MRPL1: variants seen among roughly 807,000 people sequenced by gnomAD.
MRPL1 encodes large ribosomal subunit protein uL1m.
MRPL1 carries 28 observed loss-of-function variants against 38.0 expected under a neutral mutation model. The observed-to-expected ratio is 0.74, with a 90% confidence interval of 0.55 to 1.01. The LOEUF (loss-of-function observed/expected upper bound fraction) is 1.01, where lower values mean the gene tolerates loss of function less well. Among genes scored for constraint, MRPL1 ranks in the 50% least tolerant of loss-of-function variants. The pLI, the probability that MRPL1 is intolerant of heterozygous loss-of-function variation, is 0.00. For synonymous variants in MRPL1, 123 were observed against 126.7 expected (o/e 0.97, Z 0.20); for missense variants, 358 against 389.8 (o/e 0.92, Z 0.69).
At position 77,946,515 on chromosome 4, in the gene MRPL1, G is replaced by A. The variant is rs1280070270; in HGVS notation, c.778-3282G>A. ...TAAGAAATTATAAGAGTATTATTTG[G>A]GAACTGATAAATGTCCATGAAATCT... On this transcript the variant is annotated intron_variant, in intron 7 of 8. Coordinates refer to ENST00000315567, the MANE Select transcript of MRPL1 (RefSeq NM_020236.4). Among the ~76,000 whole-genome samples, 4 of 152,098 alleles carry A rather than the reference G, an allele frequency of 2.6e-5. No individual in the cohort carries two copies. In the East Asian group the frequency reaches 7.7e-4, roughly 29 times the overall value.
chr4:77,948,670 G>T (rs965782969), intron 7 of MRPL1, among the ~76,000 whole-genome samples: 3 of 152,156 alleles, frequency 2.0e-5, no homozygotes, highest in Admixed American at 2.0e-4. Flanking sequence ...AGTGCTCTCA[G>T]AGTCTTTGGA....
intron 6 of MRPL1, among the ~76,000 whole-genome samples, chr4:77,900,116 A>T (rs923882385): frequency 6.6e-6 from 1 of 152,224 alleles, no homozygotes; most frequent in African/African-American, 2.4e-5. Context: ...TGTGTGGGCC[A>T]CTATGATTAT....
chr4:77,871,183 T>C (rs1007270074), intron 1 of MRPL1, among the ~76,000 whole-genome samples: 10 of 151,888 alleles, frequency 6.6e-5, no homozygotes, highest in African/African-American at 2.4e-4. Context: ...TTCATGCCAC[T>C]GTACTCCAGC....
chr4:77,944,586 G>A lies in MRPL1; in HGVS notation c.778-5211G>A, dbSNP rs538160138. Among the ~76,000 whole-genome samples the A allele has an allele frequency of 2.2e-4, 34 of 152,196 alleles. No homozygotes were observed. The South Asian group carries it at 4.8e-3, about 21-fold the overall frequency. ...CAAGGGCGAGGTTTGTATCTTATTC[G>A]TCTTCCTGTTCCTGGTTCCATGTGT... On this transcript the variant is annotated intron_variant, in intron 7 of 8. Transcript: ENST00000315567.
At chr4:77,893,509 T>A (rs891237940) in intron 5 of MRPL1, among the ~76,000 whole-genome samples, 6 of 151,896 alleles carry the variant, frequency 4.0e-5, no homozygotes, top group African/African-American at 1.5e-4. Flanking sequence ...CCTGAATTAA[T>A]AAAAATGTTT....
At chr4:77,863,091 T>C (rs1346986932) in intron 1 of MRPL1, 2 of 605,914 alleles carry the variant, frequency 3.3e-6, no homozygotes, top group East Asian at 5.9e-5. Flanking sequence ...AGGGAGGGAG[T>C]GGGAGCGGGA....
chr4:77,896,880 C>G (rs1735927107), intron 6 of MRPL1, among the ~76,000 whole-genome samples: 1 of 151,870 alleles, frequency 6.6e-6, no homozygotes, highest in Non-Finnish European at 1.5e-5. Flanking sequence ...AAAATTAAAA[C>G]CTGTTTTTTT....
At chr4:77,881,665 T>G (rs189108104) in intron 2 of MRPL1, among the ~76,000 whole-genome samples, 36 of 152,238 alleles carry the variant, frequency 2.4e-4, no homozygotes, top group Non-Finnish European at 5.9e-5. Context: ...GGTCTTGAAC[T>G]CCTGGCCTCA....
chr4:77,903,644 A>G (rs935950693), intron 6 of MRPL1, among the ~76,000 whole-genome samples: 1 of 152,204 alleles, frequency 6.6e-6, no homozygotes, highest in African/African-American at 2.4e-5. Context: ...TATGTAACCA[A>G]CCTACAATCA....
At chr4:77,919,904 T>C (rs2110253320) in intron 7 of MRPL1, among the ~76,000 whole-genome samples, 1 of 152,032 alleles carries the variant, frequency 6.6e-6, no homozygotes, top group Non-Finnish European at 1.5e-5. Context: ...TATGGCTGAA[T>C]CCAGTTGGGT....
chr4:77,893,490 A>G (rs1186269253), intron 5 of MRPL1, among the ~76,000 whole-genome samples: 9 of 151,884 alleles, frequency 5.9e-5, no homozygotes, highest in African/African-American at 2.2e-4. Flanking sequence ...TAGTTATTTT[A>G]GGTGCTTGCC....
intron 2 of MRPL1, among the ~76,000 whole-genome samples, chr4:77,880,204 G>A (rs58914669): frequency 0.023 from 3,525 of 152,208 alleles, 125 homozygotes; most frequent in African/African-American, 0.081. Context: ...CTAAAATCAA[G>A]GTATTGGCAG....
intron 5 of MRPL1, among the ~76,000 whole-genome samples, chr4:77,892,292 C>G (rs991315526): frequency 1.3e-5 from 2 of 151,912 alleles, no homozygotes; most frequent in Admixed American, 1.3e-4. Context: ...CCACCACGCC[C>G]AGCTAATTTT....
chr4:77,886,789 C>CT (rs71214375), intron 4 of MRPL1, among the ~76,000 whole-genome samples: 10,556 of 90,464 alleles, frequency 0.12, 1,262 homozygotes, highest in African/African-American at 0.2. Flanking sequence ...TTTGCATTTT[C>CT]TTTTTTTTTT....
At chr4:77,901,610 A>G (rs1736037247) in intron 6 of MRPL1, among the ~76,000 whole-genome samples, 1 of 152,188 alleles carries the variant, frequency 6.6e-6, no homozygotes, top group Admixed American at 6.5e-5. Flanking sequence ...TTAATATCAG[A>G]CAAAATAGAC....
chr4:77,943,100 T>C (rs1449981497), intron 7 of MRPL1, among the ~76,000 whole-genome samples: 1 of 152,156 alleles, frequency 6.6e-6, no homozygotes, highest in East Asian at 1.9e-4. Flanking sequence ...TCAGCATTTG[T>C]TTGTCTGAAA....
rs1735590353 is a variant in MRPL1 at position 77,883,272 on chromosome 4, A to C, written c.174A>C (p.Lys58Asn). 6.3e-7 allele frequency: 1 copy of C among 1,587,902 alleles called. No homozygotes were observed. The highest frequency in any genetic ancestry group is 1.4e-5 in the African/African-American group (1 of 73,102). The change falls in exon 3 of 9, where the codon AAA (lysine) becomes AAC (asparagine). Residue 58 changes from lysine (K) to asparagine (N), a missense_variant. Lys to Asn is a moderately conservative substitution (Grantham distance 94). Coordinates refer to ENST00000315567, the MANE Select transcript of MRPL1 (RefSeq NM_020236.4). The part of the protein sequence containing the change: ...KSAKKTKKGA[K>N]EKTPDEKKDE... ...CAAAGAAAACAAAAAAAGGTGCTAA[A>C]GAAAAAACACCAGATGAGAAAAAAG...
In MRPL1 at chr4:77,952,591, A is replaced by G; in HGVS notation, c.962A>G (p.Glu321Gly). The G allele has an allele frequency of 6.2e-7, 1 of 1,603,340 alleles. No individual in the cohort carries two copies. The highest frequency in any genetic ancestry group is 2.2e-5 in the East Asian group (1 of 44,702). Residue 321 changes from glutamate to glycine, a missense_variant, in exon 9 of 9, where the codon GAA (glutamate) becomes GGA (glycine). Physicochemically the swap from Glu to Gly is moderately conservative, Grantham distance 98. Transcript: ENST00000315567. ...LPKEVKNEES[E>G]KEDA Reference sequence around the variant, plus strand: ...AAAGAAGTAAAAAATGAAGAAAGTGAAAAAGAAGATGCCTAAATGTGGTGA... The same window carrying G: ...AAAGAAGTAAAAAATGAAGAAAGTGGAAAAGAAGATGCCTAAATGTGGTGA...
chr4:77,871,692 A>C (rs2043980170), intron 1 of MRPL1, 52 bp from the exon 2 acceptor site: 3 of 817,410 alleles, frequency 3.7e-6, no homozygotes, highest in African/African-American at 3.7e-5. Context: ...TTAAAAAATT[A>C]TGAATATAAT....
Sources: allele counts gnomAD v4.1 joint callset (sites outside exome capture counted in the v4.1 genomes callset), GRCh38; gene constraint gnomAD v4.1.1; transcripts MANE v1.5; gene names NCBI Gene and HGNC (gene_info 2026-07-23, HGNC 2026-07-21).